TBC1D4: variants seen among roughly 807,000 people sequenced by gnomAD.
TBC1D4 encodes the protein TBC1 domain family member 4, also known as TBC (Tre-2, BUB2, CDC16) domain-containing protein.
TBC1D4 carries 121 observed loss-of-function variants against 142.5 expected under a neutral mutation model. The observed-to-expected ratio is 0.85, with a 90% CI of 0.73 to 0.99. The LOEUF (loss-of-function observed/expected upper bound fraction) is 0.99. Among genes scored for constraint, TBC1D4 ranks in the 50% least tolerant of loss-of-function variants. The probability of loss-of-function intolerance (pLI) is 0.00; values close to 1 mark genes in which losing one functional copy is unlikely to be tolerated. For synonymous variants in TBC1D4, 630 were observed against 628.2 expected, an observed-to-expected ratio of 1.00 and a Z score of -0.04; for missense variants, 1,475 against 1,606.6, an observed-to-expected ratio of 0.92 and a Z score of 1.40.
chr13:75,403,219 C>T (rs1885184065), intron 1 of TBC1D4, among the ~76,000 whole-genome samples: 1 of 152,180 alleles, frequency 6.6e-6, no homozygotes, highest in Non-Finnish European at 1.5e-5. Flanking sequence ...GGATCCTCTA[C>T]TTCACAACAT....
At chr13:75,434,825 G>T (rs1886731061) in intron 1 of TBC1D4, among the ~76,000 whole-genome samples, 1 of 151,566 alleles carries the variant, frequency 6.6e-6, no homozygotes, top group African/African-American at 2.4e-5. Context: ...ATACTAAGAA[G>T]AGGAAAGTTT....
chr13:75,379,887 CTTTTTTTTTTTTTTTTTT>C (rs750734086), intron 1 of TBC1D4, among the ~76,000 whole-genome samples: 9,767 of 98,712 alleles, frequency 0.099, 823 homozygotes, highest in African/African-American at 0.23. Flanking sequence ...TCATCTGACT[CTTTTTTTTTTTTTTTTTT>C]TTTTTTTTTT....
intron 14 of TBC1D4, 114 bp from the exon 15 acceptor site, chr13:75,306,585 T>C: frequency 7.9e-7 from 1 of 1,267,506 alleles, no homozygotes; most frequent in South Asian, 1.3e-5. Context: ...CAACTGGTAG[T>C]GTATCTCAAA....
chr13:75,331,582 A>G (rs1188748991), intron 8 of TBC1D4, among the ~76,000 whole-genome samples: 3 of 152,172 alleles, frequency 2.0e-5, no homozygotes, highest in Non-Finnish European at 2.9e-5. Context: ...GATAGCCATT[A>G]CATGATTCTG....
At position 75,401,327 on chromosome 13, in the gene TBC1D4, T is replaced by C. The variant is rs144250043; in HGVS notation, c.499-38720A>G. ...CCAAATCTCCCACAATCATGGGGGATTGCACAGTGGTGGTGAATAACTGAT... is the reference window on the plus strand; with the variant it reads ...CCAAATCTCCCACAATCATGGGGGACTGCACAGTGGTGGTGAATAACTGAT... On this transcript the variant is annotated intron_variant, in intron 1 of 20. Coordinates refer to ENST00000377636, the MANE Select transcript of TBC1D4 (RefSeq NM_014832.5). Among the ~76,000 whole-genome samples, 933 of 152,298 alleles carry C rather than the reference T, an allele frequency of 6.1e-3. 7 individuals are homozygous for C. Among genetic ancestry groups the C allele is most frequent in the Middle Eastern group, 0.01 (3 of 294 alleles).
intron 1 of TBC1D4, among the ~76,000 whole-genome samples, chr13:75,368,353 A>C (rs896792254): frequency 3.9e-5 from 6 of 152,238 alleles, no homozygotes; most frequent in African/African-American, 1.4e-4. Context: ...AGAAAGCAAG[A>C]GTATCTCTGT....
chr13:75,292,062 A>G, intron 19 of TBC1D4, 40 bp downstream of exon 19: 4 of 1,538,300 alleles, frequency 2.6e-6, no homozygotes, highest in Non-Finnish European at 3.6e-6. Context: ...TATTCAGTAG[A>G]GAAAACTGCT....
intron 9 of TBC1D4, 23 bp from the exon 10 acceptor site, chr13:75,326,446 C>A: frequency 4.3e-6 from 7 of 1,612,468 alleles, no homozygotes. Context: ...CGGAAGGGAG[C>A]CCTTTATTTC....
intron 1 of TBC1D4, 64 bp downstream of exon 1, chr13:75,481,206 C>A: frequency 1.1e-4 from 138 of 1,203,332 alleles, no homozygotes; most frequent in Non-Finnish European, 1.4e-4. Context: ...CCCCGCCCCT[C>A]CCGCCCTGCT....
intron 20 of TBC1D4, among the ~76,000 whole-genome samples, chr13:75,287,536 G>A (rs964058199): frequency 1.1e-4 from 17 of 152,102 alleles, no homozygotes; most frequent in Admixed American, 9.2e-4. Context: ...TATAAAACAG[G>A]TACAAACCCA....
chr13:75,390,326 G>C (rs1240154794), intron 1 of TBC1D4, among the ~76,000 whole-genome samples: 2 of 149,032 alleles, frequency 1.3e-5, no homozygotes. Flanking sequence ...AGTCAGAACA[G>C]AGATTAAATT....
chr13:75,360,889 G>T (rs956701070), intron 2 of TBC1D4, among the ~76,000 whole-genome samples: 3 of 152,016 alleles, frequency 2.0e-5, no homozygotes, highest in Non-Finnish European at 4.4e-5. Context: ...ATGAACTTCC[G>T]ATAAAGCAAA....
chr13:75,286,565 ATATT>A lies in TBC1D4; in HGVS notation c.*223_*226del, dbSNP rs574527236. 550 of 454,864 alleles carry A rather than the reference ATATT, an allele frequency of 1.2e-3. 2 individuals are homozygous for A. Among genetic ancestry groups the A allele is most frequent in the African/African-American group, 9.1e-3 (470 of 51,714 alleles). The allele number at this position is 454,864 out of a possible 1,614,324, so 28.2% of individuals were successfully genotyped here. On this transcript the variant is annotated 3_prime_UTR_variant, in exon 21 of 21. Coordinates refer to ENST00000377636, the MANE Select transcript of TBC1D4 (RefSeq NM_014832.5). Reference sequence around the variant, plus strand: ...CATGAACTATGTTCATTTTATATATATATTTATATGTACATAGCAACAACAAAAA... The same window carrying A: ...CATGAACTATGTTCATTTTATATATATATATGTACATAGCAACAACAAAAA...
At chr13:75,466,583 T>A (rs117237524) in intron 1 of TBC1D4, among the ~76,000 whole-genome samples, 3,377 of 152,214 alleles carry the variant, frequency 0.022, 57 homozygotes, top group Middle Eastern at 0.085. Context: ...TAAAAATATA[T>A]CATCTGATGG....
At chr13:75,364,363 G>T (rs1253139004) in intron 1 of TBC1D4, among the ~76,000 whole-genome samples, 1 of 152,216 alleles carries the variant, frequency 6.6e-6, no homozygotes, top group African/African-American at 2.4e-5. Flanking sequence ...AGGAGGGGCT[G>T]TTGTAATTAT....
intron 13 of TBC1D4, among the ~76,000 whole-genome samples, chr13:75,310,506 G>A (rs978531294): frequency 6.6e-6 from 1 of 152,150 alleles, no homozygotes; most frequent in Non-Finnish European, 1.5e-5. Context: ...TAAGTGGCTA[G>A]GTATCAGTGA....
Position 75,341,155 on chromosome 13 carries a change from C to A in TBC1D4, c.1581G>T (p.Lys527Asn). Residue 527 changes from lysine to asparagine, a missense_variant, in exon 7 of 21, where the codon AAG (lysine) becomes AAT (asparagine). Transcript: ENST00000377636. ...HLRQLCEAKQ[K>N]THVHIGEGPS... ...GGCCTTCCCCGATGTGCACGTGTGTCTTCTGCTTGGCTTCACACAGCTGCC... is the reference window on the plus strand; with the variant it reads ...GGCCTTCCCCGATGTGCACGTGTGTATTCTGCTTGGCTTCACACAGCTGCC... 1 of 1,613,402 alleles carries A rather than the reference C, an allele frequency of 6.2e-7. No homozygotes were observed. Among genetic ancestry groups the A allele is most frequent in the Non-Finnish European group, 8.5e-7 (1 of 1,179,862 alleles).
At chr13:75,294,633 G>A (rs1268236113) in intron 18 of TBC1D4, among the ~76,000 whole-genome samples, 1 of 152,094 alleles carries the variant, frequency 6.6e-6, no homozygotes, top group Non-Finnish European at 1.5e-5. Flanking sequence ...TCAAATACAG[G>A]AGCCCAATTC....
At chr13:75,475,740 G>T (rs540041459) in intron 1 of TBC1D4, among the ~76,000 whole-genome samples, 2 of 152,264 alleles carry the variant, frequency 1.3e-5, no homozygotes, top group African/African-American at 4.8e-5. Context: ...TTACTGAATG[G>T]TGTTATTTCT....
Sources: gnomAD v4.1 joint callset for allele counts (sites outside exome capture counted in the v4.1 genomes callset) on GRCh38, gnomAD v4.1.1 for gene constraint, MANE v1.5 for transcripts, NCBI Gene and HGNC (gene_info 2026-07-23, HGNC 2026-07-21) for gene names.